The following FGF13 variants were observed in gnomAD, a reference collection of about 807,000 sequenced individuals.
The protein encoded by FGF13 is fibroblast growth factor homologous factor 2.
FGF13 carries 2 observed loss-of-function variants against 19.5 expected under a neutral mutation model. The observed-to-expected ratio is 0.10, with a 90% confidence interval of 0.04 to 0.32. The LOEUF (loss-of-function observed/expected upper bound fraction) is 0.32, where lower values mean the gene tolerates loss of function less well. Among genes scored for constraint, FGF13 ranks in the 10% least tolerant of loss-of-function variants. FGF13 has a pLI of 1.00. For synonymous variants in FGF13, 72 were observed against 76.9 expected (o/e 0.94, Z 0.33); for missense variants, 113 against 192.7 (o/e 0.59, Z 2.45).
chrX:138,895,574 C>T (rs2091500077), intron 1 of FGF13, among the ~76,000 whole-genome samples: 1 of 111,805 alleles, frequency 8.9e-6, no homozygotes, highest in Non-Finnish European at 1.9e-5. Context: ...TACATTGGTA[C>T]AGCCATAATG....
rs943500866 is a variant in FGF13 at position 139,183,142 on chromosome X, C to T, written c.-113+20274G>A. On this transcript the variant is annotated intron_variant, in intron 1 of 2. Transcript: ENST00000421460. ...GTCCTGGCATGGATTCACTCCCCTG[C>T]TCTGTCTACTTGCACACCATTGGCT... Among the ~76,000 whole-genome samples the T allele has an allele frequency of 7.1e-5, 8 of 112,264 alleles. No individual in the cohort carries two copies. The East Asian group carries it at 2.3e-3, about 32-fold the overall frequency.
At chrX:138,797,957 C>A (rs1190805214) in intron 3 of FGF13, among the ~76,000 whole-genome samples, 1 of 111,558 alleles carries the variant, frequency 9.0e-6, no homozygotes, top group African/African-American at 3.3e-5. Context: ...TTAAGGAGTT[C>A]TTGGGCTGAG....
At chrX:138,894,712 C>T (rs1411333103) in intron 1 of FGF13, among the ~76,000 whole-genome samples, 2 of 110,856 alleles carry the variant, frequency 1.8e-5, no homozygotes, top group Non-Finnish European at 3.8e-5. Flanking sequence ...GATGGATTCA[C>T]AGCCGAATTC....
chrX:138,690,844 C>A (rs976503197), intron 3 of FGF13, among the ~76,000 whole-genome samples: 5 of 111,517 alleles, frequency 4.5e-5, no homozygotes, highest in Admixed American at 1.9e-4. Flanking sequence ...CAGGATGAAA[C>A]AGTTTATGCT....
chrX:138,986,670 G>A (rs761482556), intron 1 of FGF13, among the ~76,000 whole-genome samples: 1 of 111,779 alleles, frequency 8.9e-6, no homozygotes, highest in East Asian at 2.8e-4. Context: ...GGAGTTCAGG[G>A]GCACAGCACT....
chrX:139,179,111 A>G (rs1016404808), intron 1 of FGF13, among the ~76,000 whole-genome samples: 6 of 112,235 alleles, frequency 5.3e-5, no homozygotes, highest in African/African-American at 1.9e-4. Flanking sequence ...TTCACCTTAT[A>G]GAACATTTAA....
intron 3 of FGF13, among the ~76,000 whole-genome samples, chrX:138,639,158 A>G (rs983057009): frequency 1.8e-5 from 2 of 111,916 alleles, no homozygotes; most frequent in African/African-American, 3.3e-5. Flanking sequence ...AAAAGGATAC[A>G]GTTTCACCCC....
intron 3 of FGF13, among the ~76,000 whole-genome samples, chrX:138,792,079 T>C (rs912436053): frequency 8.9e-6 from 1 of 111,837 alleles, no homozygotes; most frequent in Non-Finnish European, 1.9e-5. Context: ...CTCACAATAA[T>C]ACTATCTTTC....
chrX:139,197,447 T>C (rs1208428551), intron 1 of FGF13, among the ~76,000 whole-genome samples: 1 of 112,651 alleles, frequency 8.9e-6, no homozygotes, highest in Non-Finnish European at 1.9e-5. Flanking sequence ...AAAGGATGAA[T>C]GAAACATACC....
intron 1 of FGF13, among the ~76,000 whole-genome samples, chrX:139,075,000 C>T (rs754924513): frequency 9.0e-6 from 1 of 111,579 alleles, no homozygotes; most frequent in Non-Finnish European, 1.9e-5. Flanking sequence ...TCGCTGATGC[C>T]CCAGACTAGA....
Position 138,708,194 on chromosome X carries a change from CCTT to C in FGF13, c.298+621_298+623del, listed in dbSNP as rs756055253. Among the ~76,000 whole-genome samples, 57 of 112,468 alleles carry C rather than the reference CCTT, an allele frequency of 5.1e-4. 1 individual carries two copies. Among genetic ancestry groups the C allele is most frequent in the African/African-American group, 1.7e-3 (53 of 31,026 alleles). ...AAGGTTACGTAACATCTTGGAATCACCTTCTTTCAGTAATTGGAAATAAAACCT... is the reference window on the plus strand; with the variant it reads ...AAGGTTACGTAACATCTTGGAATCACCTTTCAGTAATTGGAAATAAAACCT... On this transcript the variant is annotated intron_variant, in intron 2 of 4. Transcript: ENST00000315930.
chrX:138,749,493 G>A (rs1001847954), intron 3 of FGF13, among the ~76,000 whole-genome samples: 2 of 111,796 alleles, frequency 1.8e-5, no homozygotes, highest in African/African-American at 3.3e-5. Flanking sequence ...GGATGATCAG[G>A]AAAGCCTGTC....
intron 3 of FGF13, among the ~76,000 whole-genome samples, chrX:138,674,834 G>A (rs2089649080): frequency 9.0e-6 from 1 of 111,122 alleles, no homozygotes. Context: ...AACTGAGATG[G>A]CAGAGCACTT....
intron 1 of FGF13, among the ~76,000 whole-genome samples, chrX:139,077,910 T>C (rs1307180886): frequency 8.9e-6 from 1 of 111,800 alleles, no homozygotes; most frequent in African/African-American, 3.2e-5. Flanking sequence ...AAATAAATGA[T>C]TGCCCAAGGG....
chrX:138,872,367 T>G (rs1331271672), intron 1 of FGF13, among the ~76,000 whole-genome samples: 1 of 111,842 alleles, frequency 8.9e-6, no homozygotes, highest in Non-Finnish European at 1.9e-5. Flanking sequence ...ATGTAGAATG[T>G]GATCAAATAG....
intron 1 of FGF13, among the ~76,000 whole-genome samples, chrX:139,104,305 T>C (rs1190586410): frequency 9.1e-6 from 1 of 110,174 alleles, no homozygotes; most frequent in Admixed American, 9.7e-5. Context: ...GTCATTGTCA[T>C]TGGAATACAT....
chrX:138,786,416 C>G (rs1024850414), intron 3 of FGF13, among the ~76,000 whole-genome samples: 1 of 111,784 alleles, frequency 8.9e-6, no homozygotes, highest in Non-Finnish European at 1.9e-5. Context: ...GGCAGGAAAT[C>G]AAAAGACCAT....
At chrX:139,076,637 C>T (rs763050935) in intron 1 of FGF13, among the ~76,000 whole-genome samples, 4 of 111,696 alleles carry the variant, frequency 3.6e-5, no homozygotes, top group Non-Finnish European at 5.6e-5. Context: ...AAAAATGCAA[C>T]GCTATACTAC....
At position 138,625,527 on chromosome X, in the gene FGF13, A is replaced by C. The variant is rs866563942; in HGVS notation, c.*7323T>G. The C allele has an allele frequency of 2.0e-4, 20 of 98,446 alleles. No homozygotes were observed. The highest frequency in any genetic ancestry group is 6.8e-4 in the African/African-American group (18 of 26,511). The allele number at this position is 98,446 out of a possible 1,213,427, so 8.1% of individuals were successfully genotyped here. A position where few individuals can be genotyped will look rare whatever the true frequency, so the allele number is the denominator to read the frequency against. On this transcript the variant is annotated 3_prime_UTR_variant, in exon 5 of 5. Coordinates refer to ENST00000315930, the MANE Select transcript of FGF13 (RefSeq NM_004114.5). ...TATATATATAATATAATATATATAT[A>C]TATCTTAGCCATATAAAGAGGGAGC... is the stretch of plus-strand genomic sequence containing the variant.
Sources: allele counts gnomAD v4.1 joint callset (sites outside exome capture counted in the v4.1 genomes callset), GRCh38; gene constraint gnomAD v4.1.1; transcripts MANE v1.5; gene names NCBI Gene and HGNC (gene_info 2026-07-23, HGNC 2026-07-21).